PCSK6: variants seen among roughly 807,000 people sequenced by gnomAD.
The protein encoded by PCSK6 is paired basic amino acid cleaving enzyme 4.
In PCSK6, 85 loss-of-function variants were observed where a neutral mutation model predicts 123.3. That is an observed-to-expected ratio of 0.69 (90% confidence interval 0.58 to 0.83). The LOEUF is 0.83. PCSK6 is among the 40% of genes least tolerant of loss of function. The pLI is 0.00. For synonymous variants in PCSK6, 508 were observed against 516.0 expected, an observed-to-expected ratio of 0.98 and a Z score of 0.21; for missense variants, 1,191 against 1,282.3, an observed-to-expected ratio of 0.93 and a Z score of 1.09.
Position 101,398,426 on chromosome 15 carries a change from G to C in PCSK6, c.974C>G (p.Ala325Gly), listed in dbSNP as rs1279526800. The change falls in exon 7 of 22, where the codon GCT (alanine) becomes GGT (glycine). Residue 325 changes from alanine (A) to glycine (G), a missense_variant. Physicochemically the swap from Ala to Gly is moderately conservative, Grantham distance 60 (BLOSUM62 0). Transcript: ENST00000611716. The surrounding 1 kb of genome is among the most constrained non-coding windows in gnomAD (Gnocchi z 4.6). ...VDGPGRLAKQ[A>G]FEYGIKKGRQ... ...CACCTTTTTAATGCCATACTCGAAA[G>C]CCTGCTTAGCCAGTCGGCCGGGCCC... is the stretch of plus-strand genomic sequence containing the variant. The C allele has an allele frequency of 1.2e-6, 2 of 1,612,316 alleles. No individual in the cohort carries two copies. The highest frequency in any genetic ancestry group is 2.7e-5 in the African/African-American group (2 of 74,884).
intron 1 of PCSK6, among the ~76,000 whole-genome samples, chr15:101,452,447 C>A (rs2057059705): frequency 6.6e-6 from 1 of 152,114 alleles, no homozygotes; most frequent in African/African-American, 2.4e-5. Flanking sequence ...CTTGAGTATT[C>A]ATTTTTGTTT....
chr15:101,409,393 G>C (rs1241966620), intron 6 of PCSK6, among the ~76,000 whole-genome samples: 1 of 152,112 alleles, frequency 6.6e-6, no homozygotes, highest in Non-Finnish European at 1.5e-5. Context: ...AGACCATCCT[G>C]GCTAACACAG....
intron 1 of PCSK6, among the ~76,000 whole-genome samples, chr15:101,466,871 C>G (rs1240910794): frequency 6.6e-6 from 1 of 152,024 alleles, no homozygotes; most frequent in Non-Finnish European, 1.5e-5. Context: ...GGACTGACTG[C>G]TAAGACGGGG....
At chr15:101,359,126 A>G (rs1484668831) in intron 13 of PCSK6, among the ~76,000 whole-genome samples, 1 of 152,162 alleles carries the variant, frequency 6.6e-6, no homozygotes, top group Non-Finnish European at 1.5e-5. Context: ...TCTGGACCAC[A>G]TTCAGGAGTG....
chr15:101,385,672 T>A (rs984015639), intron 9 of PCSK6, among the ~76,000 whole-genome samples: 6 of 152,192 alleles, frequency 3.9e-5, no homozygotes, highest in Non-Finnish European at 7.3e-5. Flanking sequence ...AATAAGAGCA[T>A]TGTTCCTTTC....
chr15:101,395,522 G>A (rs988914773), intron 7 of PCSK6, among the ~76,000 whole-genome samples: 2 of 152,256 alleles, frequency 1.3e-5, no homozygotes, highest in East Asian at 1.9e-4. Flanking sequence ...TTTCTGGGAA[G>A]GAGACATGGA....
chr15:101,486,686 C>T (rs963355861), intron 1 of PCSK6, among the ~76,000 whole-genome samples: 2 of 152,186 alleles, frequency 1.3e-5, no homozygotes, highest in African/African-American at 2.4e-5. Context: ...TGAATAACCA[C>T]CAGTCTAAAT....
At chr15:101,319,235 C>A (rs954579232) in intron 18 of PCSK6, among the ~76,000 whole-genome samples, 1 of 152,168 alleles carries the variant, frequency 6.6e-6, no homozygotes, top group African/African-American at 2.4e-5. Flanking sequence ...ATCAATATCA[C>A]CTACTATTAT....
intron 15 of PCSK6, among the ~76,000 whole-genome samples, chr15:101,327,591 G>C (rs2040284945): frequency 6.6e-6 from 1 of 152,192 alleles, no homozygotes; most frequent in South Asian, 2.1e-4. Flanking sequence ...GAGAGGGGAT[G>C]GGGAGTGAGC....
chr15:101,381,795 C>T (rs1425965963), intron 11 of PCSK6, among the ~76,000 whole-genome samples: 9 of 152,208 alleles, frequency 5.9e-5, no homozygotes, highest in Non-Finnish European at 8.8e-5. Flanking sequence ...ATGCTAAACA[C>T]GGGTAAGAAT....
chr15:101,369,802 T>G (rs1004006413), intron 12 of PCSK6, among the ~76,000 whole-genome samples: 1 of 152,006 alleles, frequency 6.6e-6, no homozygotes, highest in African/African-American at 2.4e-5. Flanking sequence ...GCAAGAGAAG[T>G]TGGCAGAGAG....
chr15:101,397,937 C>T (rs1033478588), intron 7 of PCSK6, among the ~76,000 whole-genome samples: 4 of 152,236 alleles, frequency 2.6e-5, no homozygotes, highest in Admixed American at 1.3e-4. Context: ...TGGGGGACAC[C>T]CCGACCACTG....
At chr15:101,384,121 A>C in intron 10 of PCSK6, 2 of 1,372,038 alleles carry the variant, frequency 1.5e-6, no homozygotes, top group Non-Finnish European at 1.9e-6. Flanking sequence ...GACTCTTGTG[A>C]CCTGAGGGTT....
intron 6 of PCSK6, among the ~76,000 whole-genome samples, chr15:101,411,503 CCACATGGGGATCTGTGAG>C (rs2055684005): frequency 6.6e-6 from 1 of 152,160 alleles, no homozygotes. Context: ...CCACCCACAG[CCACATGGGGATCTGTGAG>C]CACATGCAGG....
intron 9 of PCSK6, among the ~76,000 whole-genome samples, chr15:101,385,772 C>G (rs1442262697): frequency 5.3e-5 from 8 of 152,116 alleles, no homozygotes; most frequent in African/African-American, 1.9e-4. Context: ...AAGATAACAC[C>G]TACATGTGAA....
rs117157945 is a variant in PCSK6, at chr15:101,362,952, G to A, written c.1858+3244C>T. 1.0e-2 allele frequency among the ~76,000 whole-genome samples: 1,520 copies of A among 152,284 alleles called. 15 individuals carry two copies. The highest frequency in any genetic ancestry group is 0.013 in the Non-Finnish European group (917 of 68,022). ...ATGGGACCATAGGCTTGGGCAATGT[G>A]GAAACGGTGGGGGACCCTGACGAGC... On this transcript the variant is annotated intron_variant, in intron 13 of 21. Transcript: ENST00000611716.
chr15:101,456,577 C>A (rs2057187733), intron 1 of PCSK6, among the ~76,000 whole-genome samples: 1 of 152,188 alleles, frequency 6.6e-6, no homozygotes, highest in Non-Finnish European at 1.5e-5. Context: ...CAGGAGCGAG[C>A]ATGACACAGC....
At chr15:101,467,288 TTC>T (rs1200313314) in intron 1 of PCSK6, among the ~76,000 whole-genome samples, 1 of 149,898 alleles carries the variant, frequency 6.7e-6, no homozygotes, top group African/African-American at 2.5e-5. Context: ...TTTTTTTTTT[TTC>T]AAGACAGAGT....
chr15:101,319,045 C>G (rs563204311), intron 18 of PCSK6, among the ~76,000 whole-genome samples: 1 of 152,350 alleles, frequency 6.6e-6, no homozygotes, highest in South Asian at 2.1e-4. Flanking sequence ...AGATGCTGAG[C>G]TAGACCACCC....
Sources: allele counts gnomAD v4.1 joint callset (sites outside exome capture counted in the v4.1 genomes callset), GRCh38; gene constraint gnomAD v4.1.1; non-coding constraint Gnocchi (gnomAD v3.1); transcripts MANE v1.5; gene names NCBI Gene and HGNC (gene_info 2026-07-23, HGNC 2026-07-21).